BBS9: variants seen among roughly 807,000 people sequenced by gnomAD.
The protein encoded by BBS9 is protein PTHB1.
A neutral mutation model predicts 117.7 loss-of-function variants in BBS9; 89 were observed. That is an observed-to-expected ratio of 0.76 (90% CI 0.64 to 0.90). The LOEUF is 0.90. BBS9 is among the 40% of genes least tolerant of loss of function. BBS9 has a pLI of 0.00. For synonymous variants in BBS9, 379 were observed against 370.9 expected, an observed-to-expected ratio of 1.02 and a Z score of -0.25; for missense variants, 982 against 1,042.2, an observed-to-expected ratio of 0.94 and a Z score of 0.80.
At chr7:33,486,523 A>G (rs190437225) in intron 19 of BBS9, among the ~76,000 whole-genome samples, 1 of 152,346 alleles carries the variant, frequency 6.6e-6, no homozygotes, top group East Asian at 1.9e-4. Flanking sequence ...AAAGTGAATA[A>G]ATCCCTTCAA....
chr7:33,199,926 T>G (rs1003131039), intron 5 of BBS9, among the ~76,000 whole-genome samples: 1 of 152,046 alleles, frequency 6.6e-6, no homozygotes, highest in Non-Finnish European at 1.5e-5. Context: ...GTTAATTTGA[T>G]AAAAATAAAA....
chr7:33,214,003 C>T (rs1788564346), intron 5 of BBS9, among the ~76,000 whole-genome samples: 1 of 152,160 alleles, frequency 6.6e-6, no homozygotes, highest in African/African-American at 2.4e-5. Context: ...CTCCCTAGCT[C>T]AAGTGCCACT....
At chr7:33,337,805 A>T (rs1303626504) in intron 10 of BBS9, among the ~76,000 whole-genome samples, 1 of 152,120 alleles carries the variant, frequency 6.6e-6, no homozygotes, top group East Asian at 1.9e-4. Flanking sequence ...GTCATTTAAA[A>T]ATATAATTGG....
intron 19 of BBS9, among the ~76,000 whole-genome samples, chr7:33,491,399 T>C (rs1248473567): frequency 6.6e-6 from 1 of 152,130 alleles, no homozygotes; most frequent in African/African-American, 2.4e-5. Context: ...CAAAGGGCAT[T>C]ATGGAATTAA....
intron 21 of BBS9, among the ~76,000 whole-genome samples, chr7:33,588,559 T>A (rs1861346595): frequency 6.6e-6 from 1 of 152,150 alleles, no homozygotes; most frequent in Admixed American, 6.6e-5. Flanking sequence ...GAACTCTTAT[T>A]CTCACAAGTG....
chr7:33,476,855 A>G (rs984063921), intron 19 of BBS9, among the ~76,000 whole-genome samples: 2 of 152,244 alleles, frequency 1.3e-5, no homozygotes, highest in African/African-American at 4.8e-5. Context: ...AAGTATGTAT[A>G]TAGATTGTCA....
intron 9 of BBS9, among the ~76,000 whole-genome samples, chr7:33,299,322 C>A (rs1562957631): frequency 6.6e-6 from 1 of 151,986 alleles, no homozygotes; most frequent in Non-Finnish European, 1.5e-5. Flanking sequence ...ATTATATATT[C>A]AATTTCTATG....
At chr7:33,314,397 G>A (rs568710268) in intron 9 of BBS9, 11 of 297,508 alleles carry the variant, frequency 3.7e-5, no homozygotes, top group South Asian at 1.2e-4. Context: ...CTAGATTAGA[G>A]CTATTATTTG....
chr7:33,317,797 A>T (rs1411702782), intron 9 of BBS9, among the ~76,000 whole-genome samples: 1 of 152,222 alleles, frequency 6.6e-6, no homozygotes, highest in Non-Finnish European at 1.5e-5. Flanking sequence ...CACGCCTGTA[A>T]GCTCAGCACT....
chr7:33,505,602 T>G lies in BBS9; in HGVS notation c.2255T>G (p.Leu752Arg). The G allele has an allele frequency of 6.2e-7, 1 of 1,614,024 alleles. No individual in the cohort carries two copies. The highest frequency in any genetic ancestry group is 1.3e-5 in the African/African-American group (1 of 75,056). Residue 752 changes from leucine to arginine, a missense_variant, in exon 20 of 23, where the codon CTG becomes CGG. Leu to Arg is a moderately radical substitution (Grantham distance 102). Coordinates refer to ENST00000242067, the MANE Select transcript of BBS9 (RefSeq NM_198428.3). ...CTTAGTGCTGACCAGGTTGCTATTC[T>G]GGAAGCGGCATTTCTGCCGCTACAA... is the stretch of plus-strand genomic sequence containing the variant. ...QKLSADQVAI[L>R]EAAFLPLQED...
intron 19 of BBS9, among the ~76,000 whole-genome samples, chr7:33,429,750 T>C (rs1374628032): frequency 6.6e-6 from 1 of 152,232 alleles, no homozygotes. Flanking sequence ...TTATTAATTT[T>C]ATGTTTTTAT....
chr7:33,248,623 A>C (rs1795739927), intron 5 of BBS9, among the ~76,000 whole-genome samples: 1 of 152,030 alleles, frequency 6.6e-6, no homozygotes, highest in African/African-American at 2.4e-5. Flanking sequence ...TTGGAATCCT[A>C]CTCTGAATAT....
In BBS9 at chr7:33,257,348, C is replaced by G. The variant is rs35440033; in HGVS notation, c.555C>G (p.Ala185=). Residue 185 remains alanine (A), a synonymous_variant, in exon 6 of 23, where the codon GCC becomes GCG. Coordinates refer to ENST00000242067, the MANE Select transcript of BBS9 (RefSeq NM_198428.3). ...GCTTTCTTCTGCCTGGTCCTCTTGC[C>G]TACAGTTCCCGTACAGATTCCTTCC... ...LPGFLLPGPL[A]YSSRTDSFLT... 5.0e-6 allele frequency: 8 copies of G among 1,613,908 alleles called. No homozygotes were observed. The South Asian group carries it at 8.8e-5, about 18-fold the overall frequency.
At chr7:33,269,726 G>GAAAAA (rs889472546) in intron 7 of BBS9, among the ~76,000 whole-genome samples, 1 of 110,354 alleles carries the variant, frequency 9.1e-6, no homozygotes, top group Admixed American at 9.6e-5. Context: ...ACTCCAAATG[G>GAAAAA]AAAAAAAAAA....
chr7:33,560,498 G>A (rs1437836266), intron 21 of BBS9, among the ~76,000 whole-genome samples: 1 of 152,150 alleles, frequency 6.6e-6, no homozygotes, highest in Non-Finnish European at 1.5e-5. Context: ...AGCCACACCT[G>A]GGTATAAGCT....
intron 6 of BBS9, among the ~76,000 whole-genome samples, chr7:33,262,641 A>C (rs961434191): frequency 1.5e-4 from 23 of 152,180 alleles, no homozygotes; most frequent in African/African-American, 5.5e-4. Flanking sequence ...TGGTCTTACA[A>C]GGCTGAGATC....
intron 4 of BBS9, among the ~76,000 whole-genome samples, chr7:33,160,083 A>G (rs888398493): frequency 6.6e-6 from 1 of 152,204 alleles, no homozygotes; most frequent in Non-Finnish European, 1.5e-5. Context: ...CCAGTAAGTA[A>G]TCTAGAGCAG....
At chr7:33,220,611 T>C (rs1362980545) in intron 5 of BBS9, among the ~76,000 whole-genome samples, 1 of 152,230 alleles carries the variant, frequency 6.6e-6, no homozygotes, top group Non-Finnish European at 1.5e-5. Flanking sequence ...AGATAATTCA[T>C]TTTCTGGCAT....
intron 5 of BBS9, among the ~76,000 whole-genome samples, chr7:33,241,968 G>A (rs914435294): frequency 6.6e-6 from 1 of 151,870 alleles, no homozygotes; most frequent in Non-Finnish European, 1.5e-5. Flanking sequence ...AATTTTTTGT[G>A]TATTGTAACT....
Sources: allele counts gnomAD v4.1 joint callset (sites outside exome capture counted in the v4.1 genomes callset), GRCh38; gene constraint gnomAD v4.1.1; transcripts MANE v1.5; gene names NCBI Gene and HGNC (gene_info 2026-07-23, HGNC 2026-07-21).